ZNF787: variants seen among roughly 807,000 people sequenced by gnomAD.
ZNF787 encodes the protein TTF-I-interacting peptide 20.
ZNF787 carries 7 observed loss-of-function variants against 16.9 expected under a neutral mutation model. The ratio of observed to expected loss-of-function variants is 0.42; its 90% confidence interval spans 0.24 to 0.78. The LOEUF (loss-of-function observed/expected upper bound fraction) is 0.78, where lower values mean the gene tolerates loss of function less well. Among genes scored for constraint, ZNF787 ranks in the 30% least tolerant of loss-of-function variants. ZNF787 has a pLI of 0.30. For missense variants in ZNF787, 551 were observed against 589.3 expected (o/e 0.94, Z 0.67); for synonymous variants, 345 against 270.9 (o/e 1.27, Z -2.69).
intron 2 of ZNF787, among the ~76,000 whole-genome samples, chr19:56,096,166 G>A (rs538547100): frequency 1.1e-3 from 172 of 151,988 alleles, no homozygotes; most frequent in Non-Finnish European, 2.0e-3. Context: ...GGCCAAAGCA[G>A]GAGGTTAACT....
chr19:56,104,731 ACAC>A (rs1468461678), intron 1 of ZNF787, among the ~76,000 whole-genome samples: 3 of 152,342 alleles, frequency 2.0e-5, no homozygotes, highest in African/African-American at 4.8e-5. Context: ...TTCTCTACGC[ACAC>A]CACCAAGCGG....
intron 1 of ZNF787, chr19:56,103,488 A>C (rs1376082316): frequency 2.4e-6 from 1 of 408,308 alleles, no homozygotes. Context: ...GCCAGTTCCC[A>C]TCCCAGCCCC....
Position 56,103,205 on chromosome 19 carries a change from C to T in ZNF787, c.13G>A (p.Glu5Lys), listed in dbSNP as rs760893653. 4 of 1,559,744 alleles carry T rather than the reference C, an allele frequency of 2.6e-6. No homozygotes were observed. The highest frequency in any genetic ancestry group is 3.5e-6 in the Non-Finnish European group (4 of 1,152,554). Residue 5 changes from glutamate to lysine, a missense_variant, in exon 2 of 3, where the codon GAA (glutamate) becomes AAA (lysine). Coordinates refer to ENST00000610935, the MANE Select transcript of ZNF787 (RefSeq NM_001002836.4). MELR[E>K]EAWSPGPLDS... ...AGCGGCCCCGGAGACCAGGCTTCTTCCCGCAGCTCCATGTCTGGGTCCCTG... is the reference window on the plus strand; with the variant it reads ...AGCGGCCCCGGAGACCAGGCTTCTTTCCGCAGCTCCATGTCTGGGTCCCTG...
At chr19:56,108,427 T>C (rs904994362) in intron 1 of ZNF787, among the ~76,000 whole-genome samples, 9 of 136,372 alleles carry the variant, frequency 6.6e-5, no homozygotes, top group African/African-American at 2.4e-4. Context: ...ACCCTGCCCC[T>C]GCCCAGAGCT....
chr19:56,093,045 T>C (rs1309564195), intron 2 of ZNF787, among the ~76,000 whole-genome samples: 2 of 146,680 alleles, frequency 1.4e-5, no homozygotes, highest in African/African-American at 2.6e-5. Context: ...AGACACGGGA[T>C]GGTGGAAGTG....
chr19:56,109,895 A>G (rs1431084306), intron 1 of ZNF787, among the ~76,000 whole-genome samples: 2 of 152,156 alleles, frequency 1.3e-5, no homozygotes. Flanking sequence ...AAAAAATAAA[A>G]TAACATTCGT....
intron 2 of ZNF787, among the ~76,000 whole-genome samples, chr19:56,091,801 G>C (rs994366395): frequency 6.6e-5 from 10 of 152,194 alleles, no homozygotes; most frequent in African/African-American, 2.4e-4. Flanking sequence ...CTGCATCTCA[G>C]TAAGGCCCAG....
intron 2 of ZNF787, 116 bp from the exon 3 acceptor site, chr19:56,089,208 G>C: frequency 1.5e-6 from 1 of 653,308 alleles, no homozygotes; most frequent in South Asian, 2.7e-5. Flanking sequence ...ACCTGCCCTG[G>C]TGTCCTCAGA....
Position 56,087,652 on chromosome 19 carries a change from A to G in ZNF787, c.*371T>C, listed in dbSNP as rs1378505754. On this transcript the variant is annotated 3_prime_UTR_variant, in exon 3 of 3. Transcript: ENST00000610935. ...ATCCTCTAAAGGGCCTGGTTTCTCC[A>G]TTCCTCGCAGCACCCCCCACCCCCG... is the stretch of plus-strand genomic sequence containing the variant. The G allele has an allele frequency of 5.6e-6, 1 of 177,354 alleles. No homozygotes were observed. Among genetic ancestry groups the G allele is most frequent in the African/African-American group, 2.4e-5 (1 of 42,334 alleles). 11.0% of individuals were successfully genotyped at this position (177,354 alleles called of 1,614,324 possible).
At chr19:56,096,237 A>AAAAAAAG (rs374168080) in intron 2 of ZNF787, among the ~76,000 whole-genome samples, 1 of 100,238 alleles carries the variant, frequency 1.0e-5, no homozygotes, top group African/African-American at 7.6e-5. Context: ...CTAAAAAAAT[A>AAAAAAAG]AAAAAAATAA....
At chr19:56,107,505 CTGTGAGA>C (rs2029874057) in intron 1 of ZNF787, among the ~76,000 whole-genome samples, 1 of 135,234 alleles carries the variant, frequency 7.4e-6, no homozygotes, top group Non-Finnish European at 1.5e-5. Flanking sequence ...CACGGGGTCA[CTGTGAGA>C]CAATGGGGTC....
rs955479021 is a variant in ZNF787, at chr19:56,087,853, G to T, written c.*170C>A. The T allele has an allele frequency of 1.8e-6, 2 of 1,100,104 alleles. No individual in the cohort carries two copies. Among genetic ancestry groups the T allele is most frequent in the East Asian group, 3.7e-5 (1 of 27,038 alleles). 68.1% of individuals were successfully genotyped at this position (1,100,104 alleles called of 1,614,324 possible). On this transcript the variant is annotated 3_prime_UTR_variant, in exon 3 of 3. Transcript: ENST00000610935. ...CGGAGAAGTGAACGGGCCCTAATAC[G>T]CCCCAGTGCCCCCCCACGGACGGCG...
intron 1 of ZNF787, among the ~76,000 whole-genome samples, chr19:56,120,076 C>G (rs2030244093): frequency 6.6e-6 from 1 of 152,214 alleles, no homozygotes; most frequent in Non-Finnish European, 1.5e-5. Flanking sequence ...CCCCAGACCT[C>G]TCCATCAGGG....
At position 56,103,190 on chromosome 19, in the gene ZNF787, G is replaced by A. The variant is rs1330720163; in HGVS notation, c.28C>T (p.Pro10Ser). The A allele has an allele frequency of 3.2e-6, 5 of 1,573,836 alleles. No individual in the cohort carries two copies. The highest frequency in any genetic ancestry group is 3.4e-6 in the Non-Finnish European group (4 of 1,159,514). ...TGGTCCTCAGAATCCAGCGGCCCCG[G>A]AGACCAGGCTTCTTCCCGCAGCTCC... Reference protein sequence around the residue: MELREEAWSPGPLDSEDQQM... With the variant: MELREEAWSSGPLDSEDQQM... The change falls in exon 2 of 3, where the codon CCG (proline) becomes TCG (serine). Residue 10 changes from proline to serine, a missense_variant. Around this residue, in one of 4 missense-constraint regions of ZNF787, gnomAD observed 80 missense variants for 105.9 expected, o/e 0.76. Transcript: ENST00000610935.
rs115685555 is a variant in ZNF787 at position 56,120,399 on chromosome 19, G to A, written c.-11+773C>T. The stretch of plus-strand genomic sequence containing the variant: ...TCGGCACAGGGGAGGGAGGCCTCAG[G>A]AGTCGCCACCCGATCCAGTCCCCGC... On this transcript the variant is annotated intron_variant, in intron 1 of 2. Transcript: ENST00000610935. Among the ~76,000 whole-genome samples the A allele has an allele frequency of 3.0e-3, 451 of 152,326 alleles. 2 individuals are homozygous for A. The highest frequency in any genetic ancestry group is 0.01 in the African/African-American group (429 of 41,588).
In ZNF787 at chr19:56,088,770, G is replaced by A; in HGVS notation, c.402C>T (p.Ser134=). Residue 134 remains serine, a synonymous_variant, in exon 3 of 3, where the codon AGC becomes AGT. Transcript: ENST00000610935. The surrounding 1 kb of genome is among the most constrained non-coding windows in gnomAD (Gnocchi z 8.6). The part of the protein sequence containing the change: ...CLECGKRFSW[S]SNLMQHQRIH... ...TGCGCTGGTGCTGCATGAGGTTGGA[G>A]CTCCAGCTGAAGCGCTTGCCGCACT... The A allele has an allele frequency of 6.2e-7, 1 of 1,611,932 alleles. No homozygotes were observed. The highest frequency in any genetic ancestry group is 2.2e-5 in the East Asian group (1 of 44,810).
intron 2 of ZNF787, chr19:56,102,901 G>A (rs1408778817): frequency 2.0e-5 from 14 of 703,608 alleles, no homozygotes; most frequent in Non-Finnish European, 3.1e-5. Context: ...CAGAGAAGGT[G>A]GCCCCCAGGG....
chr19:56,092,914 T>C (rs1340869752), intron 2 of ZNF787, among the ~76,000 whole-genome samples: 1 of 136,142 alleles, frequency 7.3e-6, no homozygotes, highest in Non-Finnish European at 1.6e-5. Context: ...ACACAGGGGG[T>C]GGCGGAAGTG....
In ZNF787 at chr19:56,088,667, G is replaced by T; in HGVS notation, c.505C>A (p.Arg169=). Residue 169 remains arginine (R), a synonymous_variant, in exon 3 of 3, where the codon CGG becomes AGG. Transcript: ENST00000610935. This position sits in a 1 kb window ranked among gnomAD's most constrained non-coding sequence, Gnocchi z 8.6. ...FTQSKSLAKH[R]RSHSGLKPFV... is the part of the protein sequence containing the mutation. ...GGCTTGAGGCCGCTGTGCGAGCGCCGGTGCTTGGCCAGGCTCTTGCTCTGA... is the reference window on the plus strand; with the variant it reads ...GGCTTGAGGCCGCTGTGCGAGCGCCTGTGCTTGGCCAGGCTCTTGCTCTGA... 1 of 1,574,384 alleles carries T rather than the reference G, an allele frequency of 6.4e-7. No homozygotes were observed. Among genetic ancestry groups the T allele is most frequent in the South Asian group, 1.1e-5 (1 of 87,244 alleles).
Sources: gnomAD v4.1 joint callset for allele counts (sites outside exome capture counted in the v4.1 genomes callset) on GRCh38, gnomAD v4.1.1 for gene constraint, gnomAD v4.1.1 regional missense constraint, Gnocchi (gnomAD v3.1) non-coding constraint, MANE v1.5 for transcripts, NCBI Gene and HGNC (gene_info 2026-07-23, HGNC 2026-07-21) for gene names.